CD109: variants seen among roughly 807,000 people sequenced by gnomAD.
CD109 encodes the protein CD109 molecule.
CD109 carries 149 observed loss-of-function variants against 165.8 expected under a neutral mutation model. The ratio of observed to expected loss-of-function variants is 0.90; its 90% CI spans 0.79 to 1.03. The LOEUF (loss-of-function observed/expected upper bound fraction) is 1.03, where lower values mean the gene tolerates loss of function less well. CD109 is among the 50% of genes least tolerant of loss of function. The pLI is 0.00. For synonymous variants in CD109, 585 were observed against 592.1 expected, an observed-to-expected ratio of 0.99 and a Z score of 0.18; for missense variants, 1,712 against 1,677.8, an observed-to-expected ratio of 1.02 and a Z score of -0.36.
chr6:73,754,850 A>G (rs887318437), intron 5 of CD109, among the ~76,000 whole-genome samples: 5 of 151,994 alleles, frequency 3.3e-5, no homozygotes, highest in Admixed American at 3.3e-4. Context: ...AGTGCATGAA[A>G]CCCCAGGACA....
In CD109 at chr6:73,766,773, T is replaced by C. The variant is rs1243588161; in HGVS notation, c.1347T>C (p.Gly449=). The C allele has an allele frequency of 1.2e-6, 2 of 1,611,226 alleles. No individual in the cohort carries two copies. Among genetic ancestry groups the C allele is most frequent in the Non-Finnish European group, 1.7e-6 (2 of 1,178,034 alleles). Residue 449 remains glycine (G), a synonymous_variant, in exon 12 of 33, where the codon GGT becomes GGC. Transcript: ENST00000287097. ...TTTTATTATAGGCCTATTTCCTTGG[T>C]AGTAAAAGTAGCATGGCAGTTCATA... ...SELQLKAYFL[G]SKSSMAVHSL...
rs1775011758 is a variant in CD109 at position 73,792,640 on chromosome 6, C to T, written c.2716C>T (p.Pro906Ser). 1.2e-6 allele frequency: 2 copies of T among 1,612,762 alleles called. No homozygotes were observed. The highest frequency in any genetic ancestry group is 1.3e-5 in the African/African-American group (1 of 74,916). The change falls in exon 23 of 33, where the codon CCT becomes TCT. Residue 906 changes from proline (P) to serine (S), a missense_variant. Physicochemically the swap from Pro to Ser is moderately conservative, Grantham distance 74. Coordinates refer to ENST00000287097, the MANE Select transcript of CD109 (RefSeq NM_133493.5). The stretch of plus-strand genomic sequence containing the variant: ...TGTGCTTCCAGGAGATGTTCTTGGT[C>T]CTTCCATCAATGGCTTAGCCTCATT... Reference protein sequence around the residue: ...QITAIGDVLGPSINGLASLIR... With the variant: ...QITAIGDVLGSSINGLASLIR...
In CD109 at chr6:73,791,206, T is replaced by TACACATAC. The variant is rs1582166239; in HGVS notation, c.2702-1419_2702-1418insCACATACA. 2.7e-4 allele frequency among the ~76,000 whole-genome samples: 32 copies of TACACATAC among 118,308 alleles called. 2 individuals carry two copies. In the East Asian group the frequency reaches 6.6e-3, roughly 24 times the overall value. The allele number at this position is 118,308 out of a possible 152,430, so 77.6% of individuals were successfully genotyped here. A position where few individuals can be genotyped will look rare whatever the true frequency, so the allele number is the denominator to read the frequency against. The stretch of plus-strand genomic sequence containing the variant: ...ACACACACATACATATATATATATA[T>TACACATAC]ATATATATATATATAATTTTTTTTT... On this transcript the variant is annotated intron_variant, in intron 22 of 32. Coordinates refer to ENST00000287097, the MANE Select transcript of CD109 (RefSeq NM_133493.5).
At chr6:73,805,443 A>G (rs1318330820) in intron 24 of CD109, among the ~76,000 whole-genome samples, 3 of 152,240 alleles carry the variant, frequency 2.0e-5, no homozygotes, top group Non-Finnish European at 4.4e-5. Context: ...TAGATGGAAC[A>G]TACAATCGGA....
Position 73,775,448 on chromosome 6 carries a change from C to T in CD109, c.1827+3867C>T, listed in dbSNP as rs183689998. Reference sequence around the variant, plus strand: ...CCCACATATCTGCTATTTTGTATCCCTTGACCTCTATATTCCCATTTTCTT... The same window carrying T: ...CCCACATATCTGCTATTTTGTATCCTTTGACCTCTATATTCCCATTTTCTT... On this transcript the variant is annotated intron_variant, in intron 15 of 32. Coordinates refer to ENST00000287097, the MANE Select transcript of CD109 (RefSeq NM_133493.5). Among the ~76,000 whole-genome samples the T allele has an allele frequency of 3.1e-3, 466 of 152,152 alleles. 1 individual carries two copies. The highest frequency in any genetic ancestry group is 0.01 in the African/African-American group (435 of 41,522).
At chr6:73,775,316 T>G (rs1774201885) in intron 15 of CD109, among the ~76,000 whole-genome samples, 1 of 152,102 alleles carries the variant, frequency 6.6e-6, no homozygotes, top group African/African-American at 2.4e-5. Flanking sequence ...ATAGCTACAT[T>G]TTTGTGACAA....
In CD109 at chr6:73,782,887, T is replaced by A. The variant is rs1035777148; in HGVS notation, c.2105+132T>A. 3 of 717,518 alleles carry A rather than the reference T, an allele frequency of 4.2e-6. No homozygotes were observed. In the Admixed American group the frequency reaches 9.0e-5, roughly 22 times the overall value. The allele number at this position is 717,518 out of a possible 1,614,324, so 44.4% of individuals were successfully genotyped here. ...AACTAAGTAGACCAAAAGGATTTTT[T>A]AGGAAATGATATTTATTGAATCTAA... On this transcript the variant is annotated intron_variant, in intron 18 of 32. Coordinates refer to ENST00000287097, the MANE Select transcript of CD109 (RefSeq NM_133493.5).
At chr6:73,790,548 C>G (rs1309884616) in intron 22 of CD109, among the ~76,000 whole-genome samples, 2 of 152,112 alleles carry the variant, frequency 1.3e-5, no homozygotes, top group East Asian at 3.9e-4. Flanking sequence ...TGAGAAGTCC[C>G]ATGATCTGCT....
chr6:73,763,498 A>T, intron 9 of CD109, 78 bp from the exon 10 acceptor site: 1 of 760,004 alleles, frequency 1.3e-6, no homozygotes, highest in Non-Finnish European at 2.2e-6. Flanking sequence ...GCAATAGGTT[A>T]GATGGAGAGA....
Position 73,828,120 on chromosome 6 carries a change from T to C in CD109, c.*4487T>C, listed in dbSNP as rs993524519. ...CTTTATAAAATTTCATTCACGAATC[T>C]CTTATTTTGGGAAGCTGTTTTGCAT... On this transcript the variant is annotated 3_prime_UTR_variant, in exon 33 of 33. Coordinates refer to ENST00000287097, the MANE Select transcript of CD109 (RefSeq NM_133493.5). 1.9e-5 allele frequency: 3 copies of C among 154,842 alleles called. No homozygotes were observed. The highest frequency in any genetic ancestry group is 7.2e-5 in the African/African-American group (3 of 41,536). 9.6% of individuals were successfully genotyped at this position (154,842 alleles called of 1,614,324 possible).
intron 28 of CD109, among the ~76,000 whole-genome samples, chr6:73,811,956 T>A (rs1013782376): frequency 2.0e-5 from 3 of 152,180 alleles, no homozygotes; most frequent in African/African-American, 4.8e-5. Flanking sequence ...GAGGACAGAC[T>A]TGTCAGTAGC....
the CD109 span, among the ~76,000 whole-genome samples, chr6:73,689,194 C>A: frequency 5.3e-5 from 8 of 152,190 alleles, no homozygotes; most frequent in Non-Finnish European, 1.2e-4. Flanking sequence ...AACATAGTTT[C>A]CCTGAGTTCT....
rs144517582 is a variant in CD109, at chr6:73,753,506, A to G, written c.634-3137A>G. ...TTTCTGCTTTTCAAATCCCTTGGAC[A>G]GTAAAATAATTTATTTCTTGATTTG... On this transcript the variant is annotated intron_variant, in intron 5 of 32. Transcript: ENST00000287097. Among the ~76,000 whole-genome samples, 959 of 152,308 alleles carry G rather than the reference A, an allele frequency of 6.3e-3. 10 individuals are homozygous for G. Among genetic ancestry groups the G allele is most frequent in the Admixed American group, 0.013 (198 of 15,284 alleles).
Position 73,801,680 on chromosome 6 carries a change from CT to C in CD109, c.2879-1538del, listed in dbSNP as rs572018256. Among the ~76,000 whole-genome samples the C allele has an allele frequency of 2.9e-3, 436 of 152,292 alleles. 2 individuals carry two copies. The highest frequency in any genetic ancestry group is 9.7e-3 in the African/African-American group (405 of 41,558). On this transcript the variant is annotated intron_variant, in intron 23 of 32. Coordinates refer to ENST00000287097, the MANE Select transcript of CD109 (RefSeq NM_133493.5). ...TAACTGTAATTTCAAACCATTAATG[CT>C]TATGTTTAGTTAGTCAAATATGAAT... is the stretch of plus-strand genomic sequence containing the variant.
chr6:73,734,776 A>G (rs1772484825), intron 4 of CD109, among the ~76,000 whole-genome samples: 1 of 152,216 alleles, frequency 6.6e-6, no homozygotes, highest in Non-Finnish European at 1.5e-5. Context: ...GGCCCCACTC[A>G]CTACTTCTAG....
intron 5 of CD109, among the ~76,000 whole-genome samples, chr6:73,742,966 C>T (rs758949490): frequency 2.0e-5 from 3 of 152,168 alleles, no homozygotes; most frequent in Non-Finnish European, 4.4e-5. Flanking sequence ...AGCTAGGCAT[C>T]TTTAGAATCC....
intron 1 of CD109, among the ~76,000 whole-genome samples, chr6:73,697,066 T>C (rs1161851713): frequency 6.6e-6 from 1 of 152,234 alleles, no homozygotes; most frequent in African/African-American, 2.4e-5. Context: ...TTAGAGACTT[T>C]TGCTTTGCCA....
At chr6:73,709,194 G>A (rs1771427430) in intron 2 of CD109, among the ~76,000 whole-genome samples, 1 of 152,104 alleles carries the variant, frequency 6.6e-6, no homozygotes, top group East Asian at 1.9e-4. Flanking sequence ...GTAAGGAAGG[G>A]ATCCAGTTTC....
At chr6:73,748,061 G>A (rs1773046763) in intron 5 of CD109, among the ~76,000 whole-genome samples, 1 of 151,792 alleles carries the variant, frequency 6.6e-6, no homozygotes. Flanking sequence ...GTAGAGATGG[G>A]GTTTCACCAT....
Sources: gnomAD v4.1 joint callset for allele counts (sites outside exome capture counted in the v4.1 genomes callset) on GRCh38, gnomAD v4.1.1 for gene constraint, MANE v1.5 for transcripts, NCBI Gene and HGNC (gene_info 2026-07-23, HGNC 2026-07-21) for gene names.